PATJ: variants seen among roughly 807,000 people sequenced by gnomAD.
PATJ encodes the protein PATJ crumbs cell polarity complex component.
Under a neutral mutation model 224.9 loss-of-function variants are expected in PATJ, and 190 were observed. The observed-to-expected ratio is 0.84, with a 90% CI of 0.75 to 0.95. PATJ has a LOEUF of 0.95. PATJ is among the 40% of genes least tolerant of loss of function. PATJ has a pLI of 0.00. For synonymous variants in PATJ, 769 were observed against 820.3 expected (o/e 0.94, Z 1.07); for missense variants, 2,121 against 2,270.3 (o/e 0.93, Z 1.34).
intron 30 of PATJ, chr1:62,038,986 C>T (rs1650969870): frequency 7.3e-7 from 1 of 1,370,682 alleles, no homozygotes; most frequent in Non-Finnish European, 1.0e-6. Context: ...TCTAGCCCAA[C>T]AAGCAGCTGA....
chr1:61,807,218 C>T lies in PATJ; in HGVS notation c.1627-1256C>T, dbSNP rs533354106. Among the ~76,000 whole-genome samples the T allele has an allele frequency of 1.5e-3, 226 of 152,264 alleles. 1 individual carries two copies. Among genetic ancestry groups the T allele is most frequent in the African/African-American group, 5.2e-3 (218 of 41,562 alleles). On this transcript the variant is annotated intron_variant, in intron 13 of 43. Coordinates refer to ENST00000642238, the MANE Select transcript of PATJ (RefSeq NM_001350145.3). Reference sequence around the variant, plus strand: ...TGAGAGACAGGGTCTTTCTCTGTTGCCCAGGCTGGAATGCAGTGGTACAAT... The same window carrying T: ...TGAGAGACAGGGTCTTTCTCTGTTGTCCAGGCTGGAATGCAGTGGTACAAT...
At chr1:61,746,120 T>G (rs1225515962) in intron 1 of PATJ, among the ~76,000 whole-genome samples, 1 of 150,990 alleles carries the variant, frequency 6.6e-6, no homozygotes, top group African/African-American at 2.4e-5. Flanking sequence ...TTTTGTATTT[T>G]TAGTAGAGAC....
At chr1:62,136,138 C>T (rs1174934022) in intron 41 of PATJ, among the ~76,000 whole-genome samples, 2 of 146,808 alleles carry the variant, frequency 1.4e-5, no homozygotes, top group Admixed American at 1.4e-4. Context: ...AGCAATTCTC[C>T]TGCCTCAGCC....
intron 27 of PATJ, among the ~76,000 whole-genome samples, chr1:61,966,165 G>T (rs1432762010): frequency 6.6e-6 from 1 of 152,148 alleles, no homozygotes; most frequent in African/African-American, 2.4e-5. Context: ...CTCCCAAAGT[G>T]CTGGGATTAC....
chr1:61,768,034 T>C (rs1046216666), intron 4 of PATJ, among the ~76,000 whole-genome samples: 1 of 152,106 alleles, frequency 6.6e-6, no homozygotes, highest in Non-Finnish European at 1.5e-5. Context: ...GTTGATTACA[T>C]TTATGAAGTT....
At chr1:62,013,418 C>A in intron 28 of PATJ, 1 of 985,266 alleles carries the variant, frequency 1.0e-6, no homozygotes, top group Non-Finnish European at 1.2e-6. Flanking sequence ...TTCAGGACTG[C>A]AACTCAGCAC....
chr1:61,907,800 G>A (rs1046808612), intron 24 of PATJ, among the ~76,000 whole-genome samples: 6 of 152,138 alleles, frequency 3.9e-5, no homozygotes, highest in African/African-American at 1.2e-4. Context: ...AGCAAGTTAT[G>A]TTCTCTGAAA....
chr1:61,901,473 A>C lies in PATJ; in HGVS notation c.3381+14A>C, dbSNP rs1217212179. The C allele has an allele frequency of 6.5e-7, 1 of 1,544,324 alleles. No individual in the cohort carries two copies. The highest frequency in any genetic ancestry group is 1.2e-5 in the South Asian group (1 of 82,132). On this transcript the variant is annotated intron_variant, in intron 24 of 43. Transcript: ENST00000642238. ...AAAATACTTGAGGTAAATGATGTTA[A>C]AGTACTGTTTTTATTGGAAACATAC...
chr1:62,134,787 G>A (rs967034313), intron 41 of PATJ, among the ~76,000 whole-genome samples: 7 of 152,118 alleles, frequency 4.6e-5, no homozygotes, highest in Non-Finnish European at 1.0e-4. Context: ...CGCAGGCCTC[G>A]CCCAGAGCAG....
chr1:62,136,459 G>A (rs1282544532), intron 41 of PATJ, among the ~76,000 whole-genome samples: 1 of 151,778 alleles, frequency 6.6e-6, no homozygotes, highest in African/African-American at 2.4e-5. Flanking sequence ...TACACCAAAG[G>A]CCAGGCATGG....
chr1:61,927,583 A>C, intron 26 of PATJ, 147 bp from the exon 27 acceptor site: 1 of 563,822 alleles, frequency 1.8e-6, no homozygotes, highest in Non-Finnish European at 3.1e-6. Context: ...AAAATAATAC[A>C]TTGTGTTTGT....
rs145837024 is a variant in PATJ at position 62,086,228 on chromosome 1, A to ATGTGTGTG, written c.4377+1588_4377+1595dup. Among the ~76,000 whole-genome samples the ATGTGTGTG allele has an allele frequency of 2.9e-3, 439 of 150,336 alleles. 14 individuals are homozygous for ATGTGTGTG. The East Asian group carries it at 0.075, about 26-fold the overall frequency. ...TACTCAAGATGTGATTAATTAATGCATGTGTGTGTGTGTGTATGTGTGTGT... is the reference window on the plus strand; with the variant it reads ...TACTCAAGATGTGATTAATTAATGCATGTGTGTGTGTGTGTGTGTGTGTATGTGTGTGT... On this transcript the variant is annotated intron_variant, in intron 33 of 43. Coordinates refer to ENST00000642238, the MANE Select transcript of PATJ (RefSeq NM_001350145.3). This position sits in a 1 kb window ranked among gnomAD's most constrained non-coding sequence, Gnocchi z 4.0.
chr1:61,799,138 C>A (rs1366478774), intron 11 of PATJ, among the ~76,000 whole-genome samples: 3 of 151,942 alleles, frequency 2.0e-5, no homozygotes, highest in Non-Finnish European at 2.9e-5. Flanking sequence ...TTAAAAATTG[C>A]CTAAATAGTC....
chr1:61,780,451 C>T lies in PATJ; in HGVS notation c.849+5117C>T, dbSNP rs78193430. Among the ~76,000 whole-genome samples the T allele has an allele frequency of 1.2e-3, 183 of 152,194 alleles. 1 individual carries two copies. The highest frequency in any genetic ancestry group is 3.7e-3 in the African/African-American group (153 of 41,522). ...CAGCACTGCAGCCTGGGCGACAGAG[C>T]AAGACTCTTTCTCAAAACAAACAAA... is the stretch of plus-strand genomic sequence containing the variant. On this transcript the variant is annotated intron_variant, in intron 7 of 43. Transcript: ENST00000642238.
intron 17 of PATJ, among the ~76,000 whole-genome samples, chr1:61,845,323 T>C (rs898416708): frequency 1.7e-4 from 26 of 152,230 alleles, no homozygotes; most frequent in African/African-American, 6.0e-4. Flanking sequence ...CCTGAGTCTG[T>C]GGTTTTGTCA....
intron 20 of PATJ, among the ~76,000 whole-genome samples, chr1:61,871,501 A>ATATATG (rs1235750623): frequency 7.1e-6 from 1 of 140,288 alleles, no homozygotes; most frequent in African/African-American, 2.6e-5. Flanking sequence ...ATGTATATAT[A>ATATATG]CATATATACG....
chr1:62,101,291 T>A (rs1662142660), intron 33 of PATJ, among the ~76,000 whole-genome samples: 1 of 146,310 alleles, frequency 6.8e-6, no homozygotes, highest in African/African-American at 2.5e-5. Flanking sequence ...TGAGACAGAG[T>A]CTCGCTCTGT....
intron 32 of PATJ, among the ~76,000 whole-genome samples, chr1:62,080,833 A>G (rs1282337860): frequency 6.6e-6 from 1 of 152,204 alleles, no homozygotes; most frequent in Non-Finnish European, 1.5e-5. Flanking sequence ...TAGATGTACT[A>G]AAACATTTGA....
At chr1:62,031,618 C>T (rs1184243318) in intron 29 of PATJ, among the ~76,000 whole-genome samples, 3 of 152,036 alleles carry the variant, frequency 2.0e-5, no homozygotes, top group Non-Finnish European at 1.5e-5. Flanking sequence ...TTTTAACTTG[C>T]GTATATGAGA....
Sources: gnomAD v4.1 joint callset for allele counts (sites outside exome capture counted in the v4.1 genomes callset) on GRCh38, gnomAD v4.1.1 for gene constraint, Gnocchi (gnomAD v3.1) non-coding constraint, MANE v1.5 for transcripts, NCBI Gene and HGNC (gene_info 2026-07-23, HGNC 2026-07-21) for gene names.